DAB1: variants seen among roughly 807,000 people sequenced by gnomAD.
DAB1 encodes disabled homolog 1.
A neutral mutation model predicts 64.6 loss-of-function variants in DAB1; 15 were observed. The ratio of observed to expected loss-of-function variants is 0.23; its 90% confidence interval spans 0.16 to 0.36. The LOEUF (loss-of-function observed/expected upper bound fraction) is 0.36. Ranked by LOEUF, DAB1 falls within the 10% of genes least tolerant of loss-of-function variation. The pLI is 1.00. For synonymous variants in DAB1, 235 were observed against 251.9 expected (o/e 0.93, Z 0.64); for missense variants, 596 against 706.7 (o/e 0.84, Z 1.78).
intron 5 of DAB1, among the ~76,000 whole-genome samples, chr1:57,893,375 T>C (rs1184577928): frequency 6.6e-6 from 1 of 152,110 alleles, no homozygotes; most frequent in African/African-American, 2.4e-5. Context: ...ATTTAGAGCA[T>C]AAGCCAAAAT....
intron 1 of DAB1, among the ~76,000 whole-genome samples, chr1:57,343,930 G>A (rs867940348): frequency 7.2e-5 from 11 of 152,374 alleles, no homozygotes; most frequent in Middle Eastern, 6.8e-3. Flanking sequence ...CGCCCAGAGC[G>A]AGCAAGGGCT....
chr1:58,256,978 G>T (rs1488846691), intron 4 of DAB1, among the ~76,000 whole-genome samples: 1 of 152,122 alleles, frequency 6.6e-6, no homozygotes, highest in Non-Finnish European at 1.5e-5. Context: ...AATTTTTATT[G>T]TTATTAAACA....
chr1:57,191,495 C>T (rs536791259), intron 2 of DAB1, among the ~76,000 whole-genome samples: 1 of 152,296 alleles, frequency 6.6e-6, no homozygotes, highest in South Asian at 2.1e-4. Context: ...CTCTTAGATT[C>T]TGTCAAAGCA....
At chr1:58,178,454 A>G (rs774343906) in intron 4 of DAB1, among the ~76,000 whole-genome samples, 1 of 152,192 alleles carries the variant, frequency 6.6e-6, no homozygotes, top group African/African-American at 2.4e-5. Flanking sequence ...GAAATAATCA[A>G]GTTAAACTGA....
At chr1:58,071,433 G>A in intron 5 of DAB1, 1 of 154,228 alleles carries the variant, frequency 6.5e-6, no homozygotes, top group Non-Finnish European at 1.4e-5. Context: ...AGTTCCCGCT[G>A]CTGGGCTGCT....
chr1:57,741,319 G>A (rs1378940755), intron 6 of DAB1, among the ~76,000 whole-genome samples: 1 of 152,002 alleles, frequency 6.6e-6, no homozygotes, highest in East Asian at 1.9e-4. Flanking sequence ...TTTCTTATAT[G>A]CCATGAACTT....
chr1:58,530,525 A>G, intron 1 of DAB1: 1 of 751,238 alleles, frequency 1.3e-6, no homozygotes, highest in African/African-American at 1.7e-5. Context: ...ACATCTCTGG[A>G]TTTGCTGCTT....
intron 7 of DAB1, among the ~76,000 whole-genome samples, chr1:57,437,094 A>C (rs1275584954): frequency 6.6e-6 from 1 of 151,322 alleles, no homozygotes; most frequent in East Asian, 2.0e-4. Context: ...ATGTTGGATG[A>C]TGGTTTGGCA....
intron 3 of DAB1, among the ~76,000 whole-genome samples, chr1:58,469,219 C>A (rs1053694016): frequency 6.6e-6 from 1 of 152,270 alleles, no homozygotes. Flanking sequence ...ATCACACAGA[C>A]CTGCATTTTA....
At chr1:57,180,062 G>A (rs1662748903) in intron 2 of DAB1, among the ~76,000 whole-genome samples, 1 of 152,196 alleles carries the variant, frequency 6.6e-6, no homozygotes, top group Non-Finnish European at 1.5e-5. Flanking sequence ...TGGCTCAAGT[G>A]TGAATCCTCC....
intron 4 of DAB1, among the ~76,000 whole-genome samples, chr1:57,106,260 C>T (rs183305317): frequency 2.1e-4 from 31 of 150,828 alleles, no homozygotes; most frequent in Non-Finnish European, 3.8e-4. Context: ...CCCTAACACC[C>T]CCCCCCATCA....
intron 5 of DAB1, among the ~76,000 whole-genome samples, chr1:58,119,699 G>C (rs910052234): frequency 3.3e-5 from 5 of 152,178 alleles, no homozygotes; most frequent in African/African-American, 1.2e-4. Context: ...AGCTGCCCCA[G>C]GTCGGGAGCA....
At position 57,874,071 on chromosome 1, in the gene DAB1, G is replaced by A. The variant is rs574722906; in HGVS notation, n.87+9928C>T. 3 of 152,220 alleles carry A rather than the reference G, an allele frequency of 2.0e-5. No individual in the cohort carries two copies. In the East Asian group the frequency reaches 5.8e-4, roughly 30 times the overall value. The allele number at this position is 152,220 out of a possible 1,614,324, so 9.4% of individuals were successfully genotyped here. A position where few individuals can be genotyped will look rare whatever the true frequency, so the allele number is the denominator to read the frequency against. On this transcript the variant is annotated intron_variant and non_coding_transcript_variant, in intron 1 of 1. Coordinates refer to the DAB1 transcript ENST00000477280. ...TGAATGAGTAAACAAAGGTAGATGA[G>A]GCAAAGAACATACCGAATGTCAGGA...
intron 6 of DAB1, among the ~76,000 whole-genome samples, chr1:57,794,762 G>C (rs1650761577): frequency 6.6e-6 from 1 of 152,170 alleles, no homozygotes; most frequent in South Asian, 2.1e-4. Context: ...CACAATGTCT[G>C]GCTCCTTGCA....
chr1:58,290,327 T>C (rs1233889582), intron 4 of DAB1, among the ~76,000 whole-genome samples: 2 of 152,166 alleles, frequency 1.3e-5, no homozygotes, highest in Admixed American at 6.5e-5. Flanking sequence ...GGTGTGGGTA[T>C]TGGAATGTCA....
Position 57,020,433 on chromosome 1 carries a change from G to A in DAB1, c.895+3098C>T, listed in dbSNP as rs114642437. On this transcript the variant is annotated intron_variant, in intron 11 of 14. Coordinates refer to ENST00000371236, the MANE Select transcript of DAB1 (RefSeq NM_001365792.1). ...ATTATGATCATCCCCATTAAAACGG[G>A]GTAAGTTCCCTGAGGCTCAGAAGAT... Among the ~76,000 whole-genome samples, 654 of 152,254 alleles carry A rather than the reference G, an allele frequency of 4.3e-3. 5 individuals are homozygous for A. The highest frequency in any genetic ancestry group is 0.015 in the African/African-American group (609 of 41,532).
chr1:57,579,646 G>T (rs572549577), intron 7 of DAB1, among the ~76,000 whole-genome samples: 2 of 152,270 alleles, frequency 1.3e-5, no homozygotes, highest in Admixed American at 1.3e-4. Flanking sequence ...TTAAAATTCA[G>T]ACTCCCTAGG....
chr1:57,408,087 G>A (rs1198387987), intron 1 of DAB1, among the ~76,000 whole-genome samples: 1 of 152,126 alleles, frequency 6.6e-6, no homozygotes, highest in Non-Finnish European at 1.5e-5. Context: ...GAATGAGTGG[G>A]TTGTTCTGTC....
intron 4 of DAB1, among the ~76,000 whole-genome samples, chr1:57,105,343 C>T (rs1048338567): frequency 1.3e-5 from 2 of 151,886 alleles, no homozygotes; most frequent in African/African-American, 4.8e-5. Context: ...CCTCAAAGAG[C>T]CCAGAAGAGA....
Sources: allele counts gnomAD v4.1 joint callset (sites outside exome capture counted in the v4.1 genomes callset), GRCh38; gene constraint gnomAD v4.1.1; transcripts MANE v1.5; gene names NCBI Gene and HGNC (gene_info 2026-07-23, HGNC 2026-07-21).